The following BACC1 variants were observed in gnomAD, a reference collection of about 807,000 sequenced individuals.
The protein encoded by BACC1 is BPTF-associated chromatin complex component 1.
At chr17:7,015,561 G>A in the BACC1 span, 2 of 1,424,124 alleles carry the variant, frequency 1.4e-6, no homozygotes, top group Non-Finnish European at 1.8e-6. Context: ...TAAGGTGGAG[G>A]TGGTTGTGAT....
the BACC1 span, chr17:7,014,907 C>T: frequency 1.3e-6 from 2 of 1,511,336 alleles, no homozygotes; most frequent in Non-Finnish European, 1.8e-6. This position sits in a 1 kb window ranked among gnomAD's most constrained non-coding sequence, Gnocchi z 4.5. Context: ...ACAGCGCTCC[C>T]TGGCGGCCAC....
At chr17:7,015,420 C>A in the BACC1 span, 1 of 1,368,794 alleles carries the variant, frequency 7.3e-7, no homozygotes, top group Non-Finnish European at 9.4e-7. Flanking sequence ...CCAACCACCC[C>A]AGTTCATGGA....
the BACC1 span, chr17:7,016,830 G>A: frequency 6.5e-7 from 1 of 1,535,428 alleles, no homozygotes; most frequent in African/African-American, 1.4e-5. Context: ...GGGGAGAGGA[G>A]GCACAAAGCT....
At chr17:7,015,868 C>T in the BACC1 span, 15 of 1,613,758 alleles carry the variant, frequency 9.3e-6, no homozygotes, top group Admixed American at 2.0e-4. Context: ...CATCAAGGAA[C>T]GGACAGTGTG....
chr17:7,017,515 C>G, the BACC1 span: 1 of 714,202 alleles, frequency 1.4e-6, no homozygotes. Flanking sequence ...AAAGATTTCC[C>G]TCTCAGCTTC....
chr17:7,017,330 C>T, the BACC1 span: 1 of 1,603,312 alleles, frequency 6.2e-7, no homozygotes, highest in Non-Finnish European at 8.5e-7. Flanking sequence ...GAGCCTTCCA[C>T]CTCTGACCTC....
the BACC1 span, chr17:7,014,819 C>G: frequency 6.6e-7 from 1 of 1,513,780 alleles, no homozygotes; most frequent in East Asian, 2.7e-5. The surrounding 1 kb of genome is among the most constrained non-coding windows in gnomAD (Gnocchi z 4.5). Context: ...TCGCGTGTAG[C>G]GGCGGCGGCG....
At chr17:7,016,320 A>G in the BACC1 span, 1 of 654,816 alleles carries the variant, frequency 1.5e-6, no homozygotes, top group Non-Finnish European at 2.6e-6. Context: ...CACTCTCCAC[A>G]CTCCATCCAT....
At chr17:7,014,845 G>T in the BACC1 span, 1 of 1,532,338 alleles carries the variant, frequency 6.5e-7, no homozygotes, top group Non-Finnish European at 8.7e-7. This position sits in a 1 kb window ranked among gnomAD's most constrained non-coding sequence, Gnocchi z 4.5. Flanking sequence ...TCCGTGAGGA[G>T]GCGCGCGGGG....
the BACC1 span, chr17:7,015,547 T>A: frequency 7.1e-7 from 1 of 1,417,164 alleles, no homozygotes. Context: ...TGGAAAGGGG[T>A]GTCTAAGGTG....
At chr17:7,016,654 C>T in the BACC1 span, 18 of 1,612,644 alleles carry the variant, frequency 1.1e-5, no homozygotes, top group African/African-American at 2.7e-5. Context: ...TCCCTGAGGC[C>T]GGGGGTCCCC....
chr17:7,015,597 T>C, the BACC1 span: 2 of 1,382,760 alleles, frequency 1.4e-6, no homozygotes, highest in Non-Finnish European at 1.9e-6. Context: ...TCCTCCCGGT[T>C]CCCGCAGGGC....
At chr17:7,016,078 G>GA in the BACC1 span, 1 of 568,252 alleles carries the variant, frequency 1.8e-6, no homozygotes. Flanking sequence ...ATCCTTCCAA[G>GA]AATGTGAATT....
chr17:7,017,244 C>T, the BACC1 span: 9 of 1,614,018 alleles, frequency 5.6e-6, no homozygotes, highest in Middle Eastern at 3.3e-4. Flanking sequence ...GCCCATTTTA[C>T]TTCCTGTTCC....
the BACC1 span, chr17:7,015,455 T>TG: frequency 7.3e-7 from 1 of 1,366,622 alleles, no homozygotes; most frequent in Non-Finnish European, 9.4e-7. Context: ...CTGCAGGCTG[T>TG]GTTGGTGGGT....
chr17:7,017,247 C>A, the BACC1 span: 1 of 1,614,100 alleles, frequency 6.2e-7, no homozygotes, highest in Non-Finnish European at 8.5e-7. Context: ...CATTTTACTT[C>A]CTGTTCCAGA....
chr17:7,017,394 C>A, the BACC1 span: 191 of 1,425,784 alleles, frequency 1.3e-4, no homozygotes, highest in Admixed American at 1.3e-4. Flanking sequence ...AAGGCCTGCA[C>A]GAGAGAGGGC....
At chr17:7,014,941 C>T in the BACC1 span, 3 of 1,485,232 alleles carry the variant, frequency 2.0e-6, no homozygotes, top group East Asian at 5.9e-5. The surrounding 1 kb of genome is among the most constrained non-coding windows in gnomAD (Gnocchi z 4.5). Context: ...CCCCACTTGG[C>T]TCGCGGCTCT....
the BACC1 span, chr17:7,016,655 G>C: frequency 1.9e-6 from 3 of 1,612,212 alleles, no homozygotes; most frequent in Non-Finnish European, 2.5e-6. Flanking sequence ...CCCTGAGGCC[G>C]GGGGTCCCCC....
Sources: gnomAD v4.1 joint callset for allele counts on GRCh38, gnomAD v4.1.1 for gene constraint, Gnocchi (gnomAD v3.1) non-coding constraint, MANE v1.5 for transcripts, NCBI Gene and HGNC (gene_info 2026-07-23, HGNC 2026-07-21) for gene names.